ZDHHC5: variants seen among roughly 807,000 people sequenced by gnomAD.
ZDHHC5 encodes the protein zDHHC palmitoyltransferase 5.
A neutral mutation model predicts 70.0 loss-of-function variants in ZDHHC5; 22 were observed. The observed-to-expected ratio is 0.31, with a 90% CI of 0.22 to 0.45. The LOEUF (loss-of-function observed/expected upper bound fraction) is 0.45. Among genes scored for constraint, ZDHHC5 ranks in the 20% least tolerant of loss-of-function variants. The probability of loss-of-function intolerance (pLI) is 1.00; values close to 1 mark genes in which losing one functional copy is unlikely to be tolerated. For synonymous variants in ZDHHC5, 313 were observed against 347.8 expected, an observed-to-expected ratio of 0.90 and a Z score of 1.11; for missense variants, 746 against 926.9, an observed-to-expected ratio of 0.80 and a Z score of 2.53.
chr11:57,695,816 T>C, intron 8 of ZDHHC5, 104 bp from the exon 9 acceptor site: 3 of 1,360,262 alleles, frequency 2.2e-6, no homozygotes, highest in Non-Finnish European at 2.9e-6. Flanking sequence ...AAAAAATACA[T>C]GAGAATTGAC....
chr11:57,679,753 C>T (rs976416445), intron 2 of ZDHHC5, among the ~76,000 whole-genome samples: 2 of 152,074 alleles, frequency 1.3e-5, no homozygotes, highest in Admixed American at 1.3e-4. Context: ...ACCATAGCAA[C>T]GGAAAGCCTC....
intron 3 of ZDHHC5, 134 bp from the exon 4 acceptor site, chr11:57,688,374 T>A: frequency 9.6e-7 from 1 of 1,037,254 alleles, no homozygotes; most frequent in Non-Finnish European, 1.3e-6. Context: ...AGTCTTATAG[T>A]TCCTAGTTCC....
chr11:57,682,371 C>T (rs1401688613), intron 2 of ZDHHC5, 51 bp from the exon 3 acceptor site: 22 of 1,565,012 alleles, frequency 1.4e-5, no homozygotes, highest in Middle Eastern at 1.7e-4. Context: ...ATGTATGGTT[C>T]GTGTCCAAAA....
At chr11:57,679,991 A>G (rs2135384827) in intron 2 of ZDHHC5, among the ~76,000 whole-genome samples, 1 of 152,242 alleles carries the variant, frequency 6.6e-6, no homozygotes, top group South Asian at 2.1e-4. Flanking sequence ...AGGATTACAC[A>G]CTTTATCTGG....
intron 2 of ZDHHC5, among the ~76,000 whole-genome samples, chr11:57,674,395 C>G (rs1013232147): frequency 9.9e-5 from 15 of 151,626 alleles, no homozygotes; most frequent in African/African-American, 3.6e-4. Flanking sequence ...TAACATGTAC[C>G]AGGCTTCTGA....
Position 57,693,851 on chromosome 11 carries a change from C to T in ZDHHC5, c.821C>T (p.Ser274Leu), listed in dbSNP as rs34222968. 8.0e-4 allele frequency: 1,292 copies of T among 1,611,952 alleles called. 1 individual carries two copies. The Middle Eastern group carries it at 9.4e-3, about 12-fold the overall frequency. ...IRPPFLRPEV[S>L]DGQITVKIMD... is the part of the protein sequence containing the mutation. ...CCTCCCTTCCTTCGACCAGAAGTTTCAGATGGGCAGATAACTGTGAAGATC... is the reference window on the plus strand; with the variant it reads ...CCTCCCTTCCTTCGACCAGAAGTTTTAGATGGGCAGATAACTGTGAAGATC... Residue 274 changes from serine (S) to leucine (L), a missense_variant, in exon 8 of 12, where the codon TCA becomes TTA. Transcript: ENST00000287169.
At chr11:57,676,023 C>T (rs1946067494) in intron 2 of ZDHHC5, among the ~76,000 whole-genome samples, 1 of 152,152 alleles carries the variant, frequency 6.6e-6, no homozygotes, top group Admixed American at 6.5e-5. Flanking sequence ...TTATTAGAAG[C>T]CCCAGGTGAG....
intron 2 of ZDHHC5, among the ~76,000 whole-genome samples, chr11:57,676,714 C>T (rs1590857808): frequency 6.6e-6 from 1 of 151,876 alleles, no homozygotes; most frequent in African/African-American, 2.4e-5. Flanking sequence ...ATATAGAGGC[C>T]CAGCCCCTTG....
intron 10 of ZDHHC5, among the ~76,000 whole-genome samples, chr11:57,698,339 C>T (rs1014081545): frequency 2.0e-5 from 3 of 152,098 alleles, no homozygotes; most frequent in Non-Finnish European, 2.9e-5. Context: ...TGCCCACGGG[C>T]GAGATACTCA....
In ZDHHC5 at chr11:57,668,206, G is replaced by T; in HGVS notation, c.-1071+19G>T. 1 of 361,258 alleles carries T rather than the reference G, an allele frequency of 2.8e-6. No homozygotes were observed. Among genetic ancestry groups the T allele is most frequent in the Non-Finnish European group, 4.9e-6 (1 of 202,222 alleles). 22.4% of individuals were successfully genotyped at this position (361,258 alleles called of 1,614,324 possible). On this transcript the variant is annotated intron_variant, in intron 1 of 11. Coordinates refer to ENST00000287169, the MANE Select transcript of ZDHHC5 (RefSeq NM_015457.3). ...CTCGCGGGTGAGTGCGGAGGACACCGGTCCCTGCGGAACCGGAAGTGCCGT... is the reference window on the plus strand; with the variant it reads ...CTCGCGGGTGAGTGCGGAGGACACCTGTCCCTGCGGAACCGGAAGTGCCGT...
chr11:57,691,192 C>T (rs1946281160), intron 6 of ZDHHC5, among the ~76,000 whole-genome samples: 1 of 152,064 alleles, frequency 6.6e-6, no homozygotes, highest in South Asian at 2.1e-4. Context: ...CTGCCTCAGG[C>T]TCCCAAGTAG....
chr11:57,674,316 G>GTTTTTTTTTTTTTTT (rs34645509), intron 2 of ZDHHC5, among the ~76,000 whole-genome samples: 2 of 140,932 alleles, frequency 1.4e-5, no homozygotes, highest in Non-Finnish European at 3.1e-5. Context: ...TTTTTCCTCA[G>GTTTTTTTTTTTTTTT]TTTTTTTTTT....
rs993603695 is a variant in ZDHHC5, at chr11:57,670,726, C to A, written c.-1070-1295C>A. On this transcript the variant is annotated intron_variant, in intron 1 of 11. Transcript: ENST00000287169. ...CCTAATTTTAAAGAGAGAAATGAAT[C>A]GTAAGGGAAGGCACCTTTGCCTTCC... Among the ~76,000 whole-genome samples the A allele has an allele frequency of 2.0e-5, 3 of 151,844 alleles. No individual in the cohort carries two copies. In the South Asian group the frequency reaches 6.2e-4, roughly 32 times the overall value.
chr11:57,674,108 T>A (rs879773435), intron 2 of ZDHHC5, among the ~76,000 whole-genome samples: 25 of 151,880 alleles, frequency 1.6e-4, no homozygotes, highest in Admixed American at 6.6e-5. Flanking sequence ...GGGAAGAGAG[T>A]CCTAAAAGAG....
intron 2 of ZDHHC5, among the ~76,000 whole-genome samples, chr11:57,678,910 T>G (rs1946109667): frequency 6.6e-6 from 1 of 152,200 alleles, no homozygotes; most frequent in South Asian, 2.1e-4. Context: ...TTCATTCTCA[T>G]GTTTGTACTA....
At chr11:57,685,790 G>A (rs1946201498) in intron 3 of ZDHHC5, among the ~76,000 whole-genome samples, 1 of 152,204 alleles carries the variant, frequency 6.6e-6, no homozygotes, top group Non-Finnish European at 1.5e-5. Flanking sequence ...CTCTTTGGGT[G>A]GCCCAGGTGA....
At position 57,690,742 on chromosome 11, in the gene ZDHHC5, G is replaced by A. The variant is rs575138208; in HGVS notation, c.660+305G>A. ...AAACCATCATTCTGCGCAAACTGTC[G>A]CAAGGACAGAAAACCAAACACCGCA... On this transcript the variant is annotated intron_variant, in intron 6 of 11. Transcript: ENST00000287169. Among the ~76,000 whole-genome samples the A allele has an allele frequency of 3.3e-5, 5 of 152,238 alleles. No homozygotes were observed. In the South Asian group the frequency reaches 1.0e-3, roughly 32 times the overall value.
intron 6 of ZDHHC5, among the ~76,000 whole-genome samples, chr11:57,690,765 G>A (rs557912206): frequency 3.3e-5 from 5 of 152,192 alleles, no homozygotes; most frequent in South Asian, 2.1e-4. Context: ...ACCAAACACC[G>A]CATGTTCTCA....
chr11:57,680,042 A>G (rs1444865262), intron 2 of ZDHHC5, among the ~76,000 whole-genome samples: 1 of 152,186 alleles, frequency 6.6e-6, no homozygotes, highest in African/African-American at 2.4e-5. Context: ...AAAGTTCATC[A>G]TCCAGGGATA....
Sources: gnomAD v4.1 joint callset for allele counts (sites outside exome capture counted in the v4.1 genomes callset) on GRCh38, gnomAD v4.1.1 for gene constraint, MANE v1.5 for transcripts, NCBI Gene and HGNC (gene_info 2026-07-23, HGNC 2026-07-21) for gene names.